Variants in MYO3A observed in about 807,000 individuals in gnomAD.
MYO3A encodes the protein myosin-IIIa.
MYO3A carries 180 observed loss-of-function variants against 192.7 expected under a neutral mutation model. That is an observed-to-expected ratio of 0.93 (90% CI 0.83 to 1.06). The LOEUF is 1.06. Among genes scored for constraint, MYO3A ranks in the 50% least tolerant of loss-of-function variants. The pLI, the probability that MYO3A is intolerant of heterozygous loss-of-function variation, is 0.00. For synonymous variants in MYO3A, 628 were observed against 645.3 expected, an observed-to-expected ratio of 0.97 and a Z score of 0.41; for missense variants, 1,896 against 1,905.0, an observed-to-expected ratio of 1.00 and a Z score of 0.09.
intron 31 of MYO3A, among the ~76,000 whole-genome samples, chr10:26,189,247 C>A (rs1329534722): frequency 8.5e-5 from 13 of 152,168 alleles, no homozygotes; most frequent in Admixed American, 8.5e-4. Context: ...TAGATTAGGA[C>A]CCACTTTAAT....
At position 26,088,416 on chromosome 10, in the gene MYO3A, T is replaced by C. The variant is rs2131510162; in HGVS notation, c.1562+11T>C. ...TATCCACCAAGCTATGTAAGTTTAT[T>C]TCAAATCTCTCCTATTTTGGAGGAA... On this transcript the variant is annotated intron_variant, in intron 15 of 34. Transcript: ENST00000642920. 6.2e-7 allele frequency: 1 copy of C among 1,607,640 alleles called. No individual in the cohort carries two copies. The highest frequency in any genetic ancestry group is 8.5e-7 in the Non-Finnish European group (1 of 1,174,150).
intron 4 of MYO3A, among the ~76,000 whole-genome samples, chr10:25,980,380 A>G (rs1839254025): frequency 6.6e-6 from 1 of 152,230 alleles, no homozygotes; most frequent in African/African-American, 2.4e-5. Context: ...GGTCCTAGTC[A>G]TCTTTGATGC....
At chr10:26,048,357 T>C (rs1429007092) in intron 10 of MYO3A, among the ~76,000 whole-genome samples, 1 of 141,420 alleles carries the variant, frequency 7.1e-6, no homozygotes, top group East Asian at 1.9e-4. Flanking sequence ...TACAGCTTGT[T>C]TTTTTTTTTT....
intron 19 of MYO3A, 46 bp downstream of exon 19, chr10:26,125,654 G>GT: frequency 6.7e-7 from 1 of 1,482,742 alleles, no homozygotes; most frequent in South Asian, 1.1e-5. Context: ...GTCAGGTGAT[G>GT]TAAGTCTACT....
chr10:26,202,961 C>T lies in MYO3A; in HGVS notation c.4587-3C>T, dbSNP rs1021413639. 13 of 1,613,214 alleles carry T rather than the reference C, an allele frequency of 8.1e-6. No homozygotes were observed. Among genetic ancestry groups the T allele is most frequent in the East Asian group, 2.2e-5 (1 of 44,808 alleles). ...AATGGTGTGTTTATGTGTTCATTTA[C>T]AGTCAGGGAAAATTATTAGATTTGG... is the stretch of plus-strand genomic sequence containing the variant. On this transcript the variant is annotated splice_region_variant and splice_polypyrimidine_tract_variant and intron_variant, in intron 33 of 34. Transcript: ENST00000642920.
chr10:26,059,725 A>C (rs1834339673), intron 10 of MYO3A, among the ~76,000 whole-genome samples: 2 of 152,246 alleles, frequency 1.3e-5, no homozygotes, highest in Non-Finnish European at 2.9e-5. Context: ...ATCTCCCACT[A>C]GTTTGAAACT....
Position 25,952,185 on chromosome 10 carries a change from G to A in MYO3A, c.75G>A (p.Glu25=), listed in dbSNP as rs748219530. The A allele has an allele frequency of 1.2e-6, 2 of 1,612,438 alleles. No individual in the cohort carries two copies. Among genetic ancestry groups the A allele is most frequent in the Non-Finnish European group, 1.7e-6 (2 of 1,178,892 alleles). Residue 25 remains glutamate, a synonymous_variant, in exon 3 of 35, where the codon GAG becomes GAA. Transcript: ENST00000642920. The part of the protein sequence containing the change: ...PDPSDTWEIT[E]TIGKGTYGKV... ...CTTCTGATACATGGGAAATCACTGAGACAATTGGCAAAGGAACTTATGGGA... is the reference window on the plus strand; with the variant it reads ...CTTCTGATACATGGGAAATCACTGAAACAATTGGCAAAGGAACTTATGGGA...
intron 15 of MYO3A, among the ~76,000 whole-genome samples, chr10:26,095,490 T>C (rs1836963379): frequency 6.6e-6 from 1 of 151,794 alleles, no homozygotes; most frequent in Non-Finnish European, 1.5e-5. Flanking sequence ...AGAGTGGAAG[T>C]AAAGCAGGGA....
Position 26,174,558 on chromosome 10 carries a change from G to A in MYO3A, c.4293+1G>A, listed in dbSNP as rs747458532. On this transcript the variant is annotated splice_donor_variant, in intron 30 of 34. Coordinates refer to ENST00000642920, the MANE Select transcript of MYO3A (RefSeq NM_017433.5). LOFTEE classifies it high-confidence loss of function. ...TGGTTTGGCAATTTTTTCAAAACAG[G>A]TATGTGAATAAATAAATTTATTTAC... is the stretch of plus-strand genomic sequence containing the variant. The A allele has an allele frequency of 1.2e-6, 2 of 1,611,334 alleles. No homozygotes were observed. Among genetic ancestry groups the A allele is most frequent in the Non-Finnish European group, 1.7e-6 (2 of 1,178,096 alleles).
At chr10:25,934,510 G>C (rs1054890612) in intron 1 of MYO3A, among the ~76,000 whole-genome samples, 182 bp downstream of exon 1, 2 of 152,126 alleles carry the variant, frequency 1.3e-5, no homozygotes, top group Admixed American at 6.5e-5. Context: ...GGACCTGTGT[G>C]TTTGTCGGGG....
intron 10 of MYO3A, among the ~76,000 whole-genome samples, chr10:26,045,366 T>TAGA (rs1843577743): frequency 2.8e-5 from 4 of 142,600 alleles, no homozygotes; most frequent in African/African-American, 1.0e-4. Flanking sequence ...ATGGGTGGCA[T>TAGA]TAGATAGATA....
intron 31 of MYO3A, among the ~76,000 whole-genome samples, chr10:26,185,563 C>A (rs1471081419): frequency 6.6e-6 from 1 of 151,962 alleles, no homozygotes. Context: ...TGGTCTCGAA[C>A]TCCTGGCCTC....
intron 17 of MYO3A, among the ~76,000 whole-genome samples, chr10:26,101,453 T>C (rs748448486): frequency 2.2e-4 from 33 of 152,220 alleles, no homozygotes; most frequent in Admixed American, 2.2e-3. Context: ...TGTTACCTGG[T>C]TATTTTGCTT....
At chr10:25,953,208 C>T (rs147995896) in intron 3 of MYO3A, among the ~76,000 whole-genome samples, 1 of 152,192 alleles carries the variant, frequency 6.6e-6, no homozygotes, top group African/African-American at 2.4e-5. Context: ...TTACACTCAT[C>T]TACTAACTGT....
intron 26 of MYO3A, among the ~76,000 whole-genome samples, chr10:26,163,411 G>C (rs1450995797): frequency 2.6e-5 from 4 of 152,174 alleles, no homozygotes; most frequent in Admixed American, 1.3e-4. Flanking sequence ...CTGGGGCAGG[G>C]CAGGGGAGTG....
At chr10:26,135,971 A>G (rs1054078618) in intron 20 of MYO3A, among the ~76,000 whole-genome samples, 3 of 151,098 alleles carry the variant, frequency 2.0e-5, no homozygotes, top group African/African-American at 7.3e-5. Flanking sequence ...CATCTCAAAA[A>G]AAAAAAAAAA....
intron 20 of MYO3A, among the ~76,000 whole-genome samples, chr10:26,136,809 C>G (rs1007748563): frequency 6.6e-6 from 1 of 152,096 alleles, no homozygotes; most frequent in African/African-American, 2.4e-5. Context: ...ACTTGAGGCC[C>G]GGGAGTTTGA....
intron 14 of MYO3A, among the ~76,000 whole-genome samples, chr10:26,087,208 A>T (rs1485709871): frequency 6.6e-6 from 1 of 152,190 alleles, no homozygotes; most frequent in Non-Finnish European, 1.5e-5. Context: ...AGCCCAAAGC[A>T]TTTTAAAGAG....
rs147995896 is a variant in MYO3A, at chr10:25,953,208, C to A, written c.168+930C>A. On this transcript the variant is annotated intron_variant, in intron 3 of 34. Coordinates refer to ENST00000642920, the MANE Select transcript of MYO3A (RefSeq NM_017433.5). ...AGTGCTAGGTCCTTGTTACACTCAT[C>A]TACTAACTGTGAGATGCTGCAAAAG... 2.6e-5 allele frequency among the ~76,000 whole-genome samples: 4 copies of A among 152,074 alleles called. No individual in the cohort carries two copies. The South Asian group carries it at 8.3e-4, about 31-fold the overall frequency.
Sources: allele counts gnomAD v4.1 joint callset (sites outside exome capture counted in the v4.1 genomes callset), GRCh38; gene constraint gnomAD v4.1.1; transcripts MANE v1.5; gene names NCBI Gene and HGNC (gene_info 2026-07-23, HGNC 2026-07-21).